The following SUSD4 variants were observed in gnomAD, a reference collection of about 807,000 sequenced individuals.
SUSD4 encodes sushi domain-containing protein 4.
A neutral mutation model predicts 50.5 loss-of-function variants in SUSD4; 41 were observed. The observed-to-expected ratio is 0.81, with a 90% CI of 0.63 to 1.05. SUSD4 has a LOEUF of 1.05. Ranked by LOEUF, SUSD4 falls within the 50% of genes least tolerant of loss-of-function variation. The pLI is 0.00. For synonymous variants in SUSD4, 257 were observed against 257.3 expected (o/e 1.00, Z 0.01); for missense variants, 580 against 634.7 (o/e 0.91, Z 0.93).
At chr1:223,272,609 C>T (rs566314889) in intron 3 of SUSD4, among the ~76,000 whole-genome samples, 73 of 152,274 alleles carry the variant, frequency 4.8e-4, no homozygotes, top group African/African-American at 1.7e-3. Context: ...GAATCCAATT[C>T]CTTCAACACA....
intron 2 of SUSD4, chr1:223,359,057 A>G: frequency 2.1e-6 from 1 of 471,154 alleles, no homozygotes; most frequent in Non-Finnish European, 4.4e-6. Flanking sequence ...ATTCAGCTGC[A>G]CTAGGACCAT....
intron 5 of SUSD4, among the ~76,000 whole-genome samples, chr1:223,260,294 C>T (rs1662012398): frequency 6.6e-6 from 1 of 152,206 alleles, no homozygotes; most frequent in African/African-American, 2.4e-5. Context: ...TTGTAATTCC[C>T]CAGTGCCCAA....
At chr1:223,243,303 G>A (rs940412097) in intron 5 of SUSD4, among the ~76,000 whole-genome samples, 2 of 152,142 alleles carry the variant, frequency 1.3e-5, no homozygotes, top group East Asian at 3.9e-4. Context: ...GGATGACCCT[G>A]GCTGTCTTCT....
intron 2 of SUSD4, among the ~76,000 whole-genome samples, chr1:223,315,628 G>A (rs1054082822): frequency 7.2e-5 from 11 of 152,156 alleles, no homozygotes; most frequent in African/African-American, 1.2e-4. Flanking sequence ...ACTATTAAAC[G>A]CTTTCTTTAT....
Position 223,227,859 on chromosome 1 carries a change from C to A in SUSD4, c.917-121G>T. 3 of 1,296,714 alleles carry A rather than the reference C, an allele frequency of 2.3e-6. No individual in the cohort carries two copies. Among genetic ancestry groups the A allele is most frequent in the Non-Finnish European group, 2.1e-6 (2 of 952,650 alleles). The allele number at this position is 1,296,714 out of a possible 1,614,324, so 80.3% of individuals were successfully genotyped here. On this transcript the variant is annotated intron_variant, in intron 6 of 8. Coordinates refer to ENST00000366878, the MANE Select transcript of SUSD4 (RefSeq NM_017982.4). The surrounding 1 kb of genome is among the most constrained non-coding windows in gnomAD (Gnocchi z 4.5). The stretch of plus-strand genomic sequence containing the variant: ...AGAGATGCGTGCAAGGTGCCTCTGA[C>A]CCCCAGGGCTCGGCAGAGATACCAT...
chr1:223,249,294 G>C (rs912896128), intron 5 of SUSD4, among the ~76,000 whole-genome samples: 1 of 152,174 alleles, frequency 6.6e-6, no homozygotes, highest in Non-Finnish European at 1.5e-5. Context: ...AAGCCCACAG[G>C]TAAGGGAGCA....
intron 3 of SUSD4, among the ~76,000 whole-genome samples, chr1:223,278,913 A>C (rs1218879898): frequency 6.6e-6 from 1 of 152,152 alleles, no homozygotes; most frequent in African/African-American, 2.4e-5. Flanking sequence ...GTTCAGCAAT[A>C]TTTGCCGTTC....
rs1659909977 is a variant in SUSD4, at chr1:223,231,717, T to G, written c.725-2329A>C. On this transcript the variant is annotated intron_variant, in intron 5 of 8. Transcript: ENST00000366878. This position sits in a 1 kb window ranked among gnomAD's most constrained non-coding sequence, Gnocchi z 4.2. ...GGATGTGGCCGTAAGGGCTCTTCTC[T>G]CCTTGGAGGCCCTCCTCCGTGCTGC... Among the ~76,000 whole-genome samples the G allele has an allele frequency of 6.6e-6, 1 of 152,210 alleles. No individual in the cohort carries two copies. Among genetic ancestry groups the G allele is most frequent in the African/African-American group, 2.4e-5 (1 of 41,462 alleles).
chr1:223,243,745 A>G (rs1298400981), intron 5 of SUSD4, among the ~76,000 whole-genome samples: 2 of 152,250 alleles, frequency 1.3e-5, no homozygotes, highest in African/African-American at 2.4e-5. Context: ...CCAAAGCACA[A>G]TGAAGCTAGA....
chr1:223,249,658 A>G (rs1661173930), intron 5 of SUSD4, among the ~76,000 whole-genome samples: 1 of 152,246 alleles, frequency 6.6e-6, no homozygotes, highest in Non-Finnish European at 1.5e-5. Flanking sequence ...AGTTAGTTCT[A>G]TAATAAGTTT....
Position 223,332,974 on chromosome 1 carries a change from C to G in SUSD4, c.148+30304G>C, listed in dbSNP as rs1667258373. On this transcript the variant is annotated intron_variant, in intron 2 of 8. Transcript: ENST00000366878. The surrounding 1 kb of genome is among the most constrained non-coding windows in gnomAD (Gnocchi z 4.0). ...AGCTGCCGCAACTGCACACCACACC[C>G]TCCTCTCCCACACAGTTGTCCTGGG... Among the ~76,000 whole-genome samples, 1 of 152,190 alleles carries G rather than the reference C, an allele frequency of 6.6e-6. No homozygotes were observed. The highest frequency in any genetic ancestry group is 1.9e-4 in the East Asian group (1 of 5,196).
At chr1:223,257,106 T>C (rs546570408) in intron 5 of SUSD4, among the ~76,000 whole-genome samples, 4 of 152,320 alleles carry the variant, frequency 2.6e-5, no homozygotes, top group African/African-American at 9.6e-5. Context: ...ATATAAAGCA[T>C]GTGCCGGGGC....
chr1:223,264,054 C>T, intron 5 of SUSD4: 12 of 985,464 alleles, frequency 1.2e-5, no homozygotes, highest in Non-Finnish European at 1.4e-5. Context: ...CCTGCAGACA[C>T]TGCCTTGACT....
chr1:223,322,555 T>C (rs998644633), intron 2 of SUSD4, among the ~76,000 whole-genome samples: 1 of 152,200 alleles, frequency 6.6e-6, no homozygotes, highest in Admixed American at 6.5e-5. Context: ...ATAATTGTGA[T>C]ATAAGATAAG....
intron 5 of SUSD4, among the ~76,000 whole-genome samples, chr1:223,243,634 A>C (rs920331910): frequency 3.3e-5 from 5 of 152,330 alleles, no homozygotes; most frequent in African/African-American, 9.6e-5. Context: ...TCATTTGCTT[A>C]CAGGCAAATA....
At chr1:223,240,738 T>C (rs941734396) in intron 5 of SUSD4, among the ~76,000 whole-genome samples, 5 of 152,220 alleles carry the variant, frequency 3.3e-5, no homozygotes, top group African/African-American at 7.2e-5. Flanking sequence ...ATATTAATCA[T>C]AGTTGTTTTA....
chr1:223,345,455 A>G (rs1384441398), intron 2 of SUSD4, among the ~76,000 whole-genome samples: 2 of 152,028 alleles, frequency 1.3e-5, no homozygotes, highest in South Asian at 2.1e-4. Context: ...CCCTCTGATC[A>G]TGCGCTTATT....
chr1:223,288,405 C>T (rs938389037), intron 3 of SUSD4, among the ~76,000 whole-genome samples: 18 of 152,156 alleles, frequency 1.2e-4, no homozygotes, highest in Admixed American at 9.8e-4. Flanking sequence ...TAAATTACCT[C>T]GTCTCAGATA....
At chr1:223,302,252 C>T (rs776730066) in intron 2 of SUSD4, among the ~76,000 whole-genome samples, 5 of 152,142 alleles carry the variant, frequency 3.3e-5, no homozygotes, top group African/African-American at 2.4e-5. Context: ...ACCATGAGCA[C>T]AATTAAACCT....
Sources: allele counts gnomAD v4.1 joint callset (sites outside exome capture counted in the v4.1 genomes callset), GRCh38; gene constraint gnomAD v4.1.1; non-coding constraint Gnocchi (gnomAD v3.1); transcripts MANE v1.5; gene names NCBI Gene and HGNC (gene_info 2026-07-23, HGNC 2026-07-21).